The following HHAT variants were observed in gnomAD, a reference collection of about 807,000 sequenced individuals.
HHAT encodes protein-cysteine N-palmitoyltransferase HHAT.
In HHAT, 47 loss-of-function variants were observed where a neutral mutation model predicts 70.8. The ratio of observed to expected loss-of-function variants is 0.66; its 90% CI spans 0.53 to 0.85. The LOEUF is 0.85. Ranked by LOEUF, HHAT falls within the 40% of genes least tolerant of loss-of-function variation. The pLI, the probability that HHAT is intolerant of heterozygous loss-of-function variation, is 0.00. For synonymous variants in HHAT, 228 were observed against 247.6 expected, an observed-to-expected ratio of 0.92 and a Z score of 0.74; for missense variants, 609 against 604.8, an observed-to-expected ratio of 1.01 and a Z score of -0.07.
intron 2 of HHAT, among the ~76,000 whole-genome samples, chr1:210,352,610 G>A (rs963211545): frequency 6.6e-6 from 1 of 152,150 alleles, no homozygotes; most frequent in African/African-American, 2.4e-5. Context: ...CACAGAGCAG[G>A]CATCTCATTC....
chr1:210,561,006 C>T (rs571368918), intron 9 of HHAT, among the ~76,000 whole-genome samples: 10 of 152,168 alleles, frequency 6.6e-5, no homozygotes, highest in African/African-American at 2.4e-4. Context: ...TTCTTTGATA[C>T]ATCTTTTCTC....
intron 6 of HHAT, among the ~76,000 whole-genome samples, chr1:210,417,042 A>G (rs2092742855): frequency 6.6e-6 from 1 of 152,192 alleles, no homozygotes; most frequent in Non-Finnish European, 1.5e-5. Context: ...TCCTTTTACA[A>G]CAACATCAAA....
chr1:210,614,696 A>G (rs1667311019), intron 10 of HHAT, among the ~76,000 whole-genome samples: 2 of 152,150 alleles, frequency 1.3e-5, no homozygotes, highest in Non-Finnish European at 2.9e-5. Flanking sequence ...TTTGCTGAGA[A>G]TGATGGTTTC....
chr1:210,513,246 T>C lies in HHAT; in HGVS notation c.1043+58T>C, dbSNP rs1038601665. ...GAATAACATGTCTATTATGAAAGAT[T>C]GAAATGGAAAATCTTTGTTAAGTAT... is the stretch of plus-strand genomic sequence containing the variant. On this transcript the variant is annotated intron_variant, in intron 9 of 11. Coordinates refer to ENST00000261458, the MANE Select transcript of HHAT (RefSeq NM_018194.6). 9 of 886,066 alleles carry C rather than the reference T, an allele frequency of 1.0e-5. No homozygotes were observed. In the African/African-American group the frequency reaches 1.2e-4, roughly 12 times the overall value. 54.9% of individuals were successfully genotyped at this position (886,066 alleles called of 1,614,324 possible). A position where few individuals can be genotyped will look rare whatever the true frequency, so the allele number is the denominator to read the frequency against.
At chr1:210,630,692 C>T (rs1478166704) in intron 11 of HHAT, among the ~76,000 whole-genome samples, 1 of 152,226 alleles carries the variant, frequency 6.6e-6, no homozygotes, top group Non-Finnish European at 1.5e-5. Flanking sequence ...TATCTAAGAT[C>T]TGCAAGCAAC....
intron 7 of HHAT, among the ~76,000 whole-genome samples, chr1:210,441,720 C>A (rs12121798): frequency 0.57 from 86,138 of 151,850 alleles, 24,853 homozygotes; most frequent in South Asian, 0.68. Context: ...ACATCTTCTC[C>A]AATTTGTAAT....
chr1:210,544,363 TTTC>T (rs2095461138), intron 9 of HHAT, among the ~76,000 whole-genome samples: 1 of 143,280 alleles, frequency 7.0e-6, no homozygotes, highest in Non-Finnish European at 1.5e-5. Flanking sequence ...TCTTTCTTTC[TTTC>T]GTTTTTTTTT....
intron 4 of HHAT, among the ~76,000 whole-genome samples, chr1:210,394,145 C>G (rs2091630288): frequency 6.7e-6 from 1 of 149,996 alleles, no homozygotes; most frequent in African/African-American, 2.4e-5. Flanking sequence ...TATCTACTAT[C>G]TAATCTCGTC....
At chr1:210,532,168 A>G (rs1487855269) in intron 9 of HHAT, among the ~76,000 whole-genome samples, 1 of 152,258 alleles carries the variant, frequency 6.6e-6, no homozygotes, top group African/African-American at 2.4e-5. Flanking sequence ...TACTGAGTCT[A>G]TTACAGTGAA....
intron 9 of HHAT, among the ~76,000 whole-genome samples, chr1:210,586,422 ATCT>A (rs1179513545): frequency 6.6e-6 from 1 of 152,192 alleles, no homozygotes; most frequent in Non-Finnish European, 1.5e-5. Flanking sequence ...CCTGGGTAAC[ATCT>A]AGAGATGCTA....
chr1:210,393,249 G>T (rs1261401227), intron 4 of HHAT, among the ~76,000 whole-genome samples: 2 of 152,146 alleles, frequency 1.3e-5, no homozygotes, highest in Non-Finnish European at 2.9e-5. Flanking sequence ...TCATCTGCTG[G>T]CATTTGCTCC....
intron 7 of HHAT, among the ~76,000 whole-genome samples, chr1:210,456,337 TCTTA>T (rs1419117119): frequency 2.0e-5 from 3 of 152,122 alleles, no homozygotes; most frequent in Non-Finnish European, 2.9e-5. Flanking sequence ...CCTGGTTTGG[TCTTA>T]CTTACTCTGA....
intron 9 of HHAT, among the ~76,000 whole-genome samples, chr1:210,566,905 C>T (rs1416535039): frequency 6.6e-6 from 1 of 152,224 alleles, no homozygotes; most frequent in African/African-American, 2.4e-5. Context: ...AGCTGGTTAA[C>T]ACTTAAGCCA....
intron 2 of HHAT, among the ~76,000 whole-genome samples, chr1:210,353,318 C>T (rs1179791167): frequency 6.6e-6 from 1 of 152,014 alleles, no homozygotes; most frequent in Non-Finnish European, 1.5e-5. Context: ...GAATTGATGC[C>T]TCTGCCTAAA....
Position 210,514,743 on chromosome 1 carries a change from A to C in HHAT, c.1043+1555A>C, listed in dbSNP as rs145984966. On this transcript the variant is annotated intron_variant, in intron 9 of 11. Transcript: ENST00000261458. Reference sequence around the variant, plus strand: ...GAGGCAGGTTGAGAAAAAGCTGTACAGTCATTTATTCAGCAAATAACTTAA... The same window carrying C: ...GAGGCAGGTTGAGAAAAAGCTGTACCGTCATTTATTCAGCAAATAACTTAA... 4.9e-3 allele frequency among the ~76,000 whole-genome samples: 747 copies of C among 152,352 alleles called. 4 individuals are homozygous for C. The highest frequency in any genetic ancestry group is 0.014 in the Middle Eastern group (4 of 294).
intron 9 of HHAT, among the ~76,000 whole-genome samples, chr1:210,529,626 C>A (rs1452088162): frequency 6.6e-6 from 1 of 152,142 alleles, no homozygotes; most frequent in Admixed American, 6.5e-5. Context: ...TTCTCAGGGA[C>A]ATCAAAGGGG....
intron 8 of HHAT, among the ~76,000 whole-genome samples, chr1:210,509,946 C>G (rs2094926360): frequency 6.6e-6 from 1 of 152,176 alleles, no homozygotes; most frequent in African/African-American, 2.4e-5. Flanking sequence ...TCCTTTCATG[C>G]ATTGGGTGTC....
intron 10 of HHAT, among the ~76,000 whole-genome samples, chr1:210,613,250 T>G (rs1573730621): frequency 6.6e-6 from 1 of 152,214 alleles, no homozygotes; most frequent in African/African-American, 2.4e-5. Flanking sequence ...GTTCATCTTT[T>G]TAGATACTTG....
chr1:210,463,854 G>T (rs187948801), intron 7 of HHAT, among the ~76,000 whole-genome samples: 1 of 152,304 alleles, frequency 6.6e-6, no homozygotes, highest in East Asian at 1.9e-4. Context: ...CCTAATGGGT[G>T]CAGACTCATG....
Sources: allele counts gnomAD v4.1 joint callset (sites outside exome capture counted in the v4.1 genomes callset), GRCh38; gene constraint gnomAD v4.1.1; transcripts MANE v1.5; gene names NCBI Gene and HGNC (gene_info 2026-07-23, HGNC 2026-07-21).